Variants in SCIN observed in about 807,000 individuals in gnomAD.
SCIN encodes the protein scinderin, also known as adseverin.
A neutral mutation model predicts 91.8 loss-of-function variants in SCIN; 91 were observed. The ratio of observed to expected loss-of-function variants is 0.99; its 90% CI spans 0.84 to 1.18. The LOEUF is 1.18. SCIN is among the 50% of genes most tolerant of loss of function. The pLI is 0.00. For synonymous variants in SCIN, 367 were observed against 312.6 expected, an observed-to-expected ratio of 1.17 and a Z score of -1.84; for missense variants, 1,087 against 863.9, an observed-to-expected ratio of 1.26 and a Z score of -3.24.
chr7:12,623,525 C>CTTTG (rs769811737), intron 5 of SCIN, among the ~76,000 whole-genome samples: 1 of 151,962 alleles, frequency 6.6e-6, no homozygotes, highest in Non-Finnish European at 1.5e-5. Flanking sequence ...TTTTTTTATT[C>CTTTG]TTTGTTTGTT....
At chr7:12,633,781 C>T (rs1238976478) in intron 9 of SCIN, among the ~76,000 whole-genome samples, 2 of 152,162 alleles carry the variant, frequency 1.3e-5, no homozygotes, top group African/African-American at 2.4e-5. Context: ...ACAGACCCTG[C>T]GGTGGCCCAT....
At chr7:12,625,502 TG>T (rs1783499598) in intron 6 of SCIN, among the ~76,000 whole-genome samples, 1 of 151,150 alleles carries the variant, frequency 6.6e-6, no homozygotes, top group Non-Finnish European at 1.5e-5. Context: ...CTAATTTTTT[TG>T]TATTTTTTGT....
chr7:12,605,904 C>T (rs1313404959), intron 4 of SCIN, among the ~76,000 whole-genome samples: 1 of 151,886 alleles, frequency 6.6e-6, no homozygotes, highest in Non-Finnish European at 1.5e-5. Flanking sequence ...CTCTATAGAC[C>T]CTGCATCATT....
Position 12,659,502 on chromosome 7 carries a change from A to G in SCIN, c.*6787A>G, listed in dbSNP as rs1358328394. 1 of 152,234 alleles carries G rather than the reference A, an allele frequency of 6.6e-6. No homozygotes were observed. The highest frequency in any genetic ancestry group is 1.9e-4 in the East Asian group (1 of 5,196). 9.4% of individuals were successfully genotyped at this position (152,234 alleles called of 1,614,324 possible). On this transcript the variant is annotated 3_prime_UTR_variant, in exon 16 of 16. Transcript: ENST00000297029. The stretch of plus-strand genomic sequence containing the variant: ...AAACATGTGCCATTTTGGCATGGAT[A>G]TCTAAAGCCACCATGATGGCTTTAT...
chr7:12,652,744 T>C lies in SCIN; in HGVS notation c.*29T>C, dbSNP rs373721735. ...GGTATTTGTAAAAAGCAAACAAACA[T>C]TACAAGGCAGTTATCTCATTGCTGT... On this transcript the variant is annotated 3_prime_UTR_variant, in exon 16 of 16. Transcript: ENST00000297029. 28 of 1,590,238 alleles carry C rather than the reference T, an allele frequency of 1.8e-5. No homozygotes were observed. The highest frequency in any genetic ancestry group is 2.0e-5 in the Non-Finnish European group (23 of 1,173,230).
chr7:12,592,475 G>T (rs1782745573), intron 3 of SCIN, among the ~76,000 whole-genome samples: 1 of 152,008 alleles, frequency 6.6e-6, no homozygotes, highest in Non-Finnish European at 1.5e-5. Context: ...AAATTTGGAA[G>T]AGTCTTTTAA....
intron 13 of SCIN, 97 bp from the exon 14 acceptor site, chr7:12,649,370 T>G: frequency 1.6e-6 from 1 of 625,512 alleles, no homozygotes; most frequent in South Asian, 3.3e-5. Flanking sequence ...AAATTTTATT[T>G]TCACTATACT....
At chr7:12,571,030 G>A in intron 1 of SCIN, 45 bp downstream of exon 1, 1 of 1,525,510 alleles carries the variant, frequency 6.6e-7, no homozygotes, top group Non-Finnish European at 8.8e-7. Flanking sequence ...CAAGGCCGGC[G>A]AGGGGAGGGC....
intron 9 of SCIN, among the ~76,000 whole-genome samples, chr7:12,631,987 A>G (rs1056477985): frequency 2.6e-5 from 4 of 152,214 alleles, no homozygotes; most frequent in African/African-American, 9.6e-5. Context: ...CAAATTGCAA[A>G]TGGCCTCATA....
intron 4 of SCIN, among the ~76,000 whole-genome samples, chr7:12,620,724 G>C (rs1304492564): frequency 6.6e-6 from 1 of 152,138 alleles, no homozygotes; most frequent in African/African-American, 2.4e-5. Flanking sequence ...TCCATATAAA[G>C]AGGAGAGAAT....
chr7:12,623,853 G>T (rs1380985240), intron 5 of SCIN, among the ~76,000 whole-genome samples: 1 of 152,042 alleles, frequency 6.6e-6, no homozygotes, highest in Non-Finnish European at 1.5e-5. Context: ...AGGAAATATG[G>T]TTACCATTTC....
intron 15 of SCIN, 107 bp from the exon 16 acceptor site, chr7:12,652,481 C>G (rs10225832): frequency 0.19 from 187,960 of 1,012,982 alleles, 18,319 homozygotes; most frequent in Admixed American, 0.24. Context: ...TTTATTTGTT[C>G]TTCTGGAAAT....
chr7:12,572,444 T>C (rs983855395), intron 1 of SCIN, among the ~76,000 whole-genome samples: 2 of 152,252 alleles, frequency 1.3e-5, no homozygotes, highest in African/African-American at 2.4e-5. Context: ...CAGAGGACTT[T>C]CCATGCAGAA....
At chr7:12,640,655 T>TA (rs1181337685) in intron 11 of SCIN, 138 bp downstream of exon 11, 1 of 770,638 alleles carries the variant, frequency 1.3e-6, no homozygotes, top group East Asian at 3.3e-5. Flanking sequence ...TTCAAAATTT[T>TA]AAAAACATTT....
chr7:12,572,901 C>T (rs575120422), intron 1 of SCIN, among the ~76,000 whole-genome samples: 2 of 152,016 alleles, frequency 1.3e-5, no homozygotes, highest in Admixed American at 6.6e-5. Context: ...AAGTTCATCA[C>T]CTCAAAGGTG....
intron 13 of SCIN, among the ~76,000 whole-genome samples, chr7:12,645,806 C>A (rs771052219): frequency 6.6e-6 from 1 of 152,164 alleles, no homozygotes; most frequent in African/African-American, 2.4e-5. Flanking sequence ...AATGTGAAAG[C>A]ATTAATGTTG....
intron 4 of SCIN, among the ~76,000 whole-genome samples, chr7:12,606,773 A>T (rs1524935): frequency 0.44 from 67,233 of 152,034 alleles, 15,834 homozygotes; most frequent in Admixed American, 0.6. Context: ...AACATATATG[A>T]TTCATTTTAT....
intron 3 of SCIN, among the ~76,000 whole-genome samples, chr7:12,594,193 G>C (rs1782787889): frequency 6.6e-6 from 1 of 152,058 alleles, no homozygotes; most frequent in South Asian, 2.1e-4. Flanking sequence ...GAGTGGGGGA[G>C]AGGGGTAGAG....
In SCIN at chr7:12,626,663, A is replaced by C. The variant is rs374614367; in HGVS notation, c.1061A>C (p.Asp354Ala). ...FKDWRDKDQS[D>A]GFGKVYVTEK... ...GACTGGAGAGATAAAGATCAGAGTG[A>C]TGGCTTCGGGAAAGTTTATGTCACA... is the stretch of plus-strand genomic sequence containing the variant. The change falls in exon 8 of 16, where the codon GAT becomes GCT. Residue 354 changes from aspartate to alanine, a missense_variant. Transcript: ENST00000297029. 7.0e-6 allele frequency: 11 copies of C among 1,561,684 alleles called. No homozygotes were observed. In the African/African-American group the frequency reaches 1.5e-4, roughly 21 times the overall value.
Sources: gnomAD v4.1 joint callset for allele counts (sites outside exome capture counted in the v4.1 genomes callset) on GRCh38, gnomAD v4.1.1 for gene constraint, MANE v1.5 for transcripts, NCBI Gene and HGNC (gene_info 2026-07-23, HGNC 2026-07-21) for gene names.